THEMIS: variants seen among roughly 807,000 people sequenced by gnomAD.
The protein encoded by THEMIS is thymocyte selection associated, also known as protein THEMIS.
Under a neutral mutation model 52.6 loss-of-function variants are expected in THEMIS, and 37 were observed. The ratio of observed to expected loss-of-function variants is 0.70; its 90% CI spans 0.54 to 0.93. The LOEUF (loss-of-function observed/expected upper bound fraction) is 0.93. THEMIS is among the 40% of genes least tolerant of loss of function. The pLI, the probability that THEMIS is intolerant of heterozygous loss-of-function variation, is 0.00. For missense variants in THEMIS, 808 were observed against 763.1 expected, an observed-to-expected ratio of 1.06 and a Z score of -0.69; for synonymous variants, 292 against 272.7, an observed-to-expected ratio of 1.07 and a Z score of -0.70.
chr6:127,733,832 C>G (rs984835587), intron 4 of THEMIS, among the ~76,000 whole-genome samples: 11 of 151,728 alleles, frequency 7.2e-5, no homozygotes, highest in Non-Finnish European at 1.5e-4. Flanking sequence ...AAGACTATAT[C>G]TAGTATATAT....
intron 1 of THEMIS, among the ~76,000 whole-genome samples, chr6:127,896,740 T>C (rs886871057): frequency 6.6e-6 from 1 of 151,592 alleles, no homozygotes; most frequent in Non-Finnish European, 1.5e-5. Flanking sequence ...AGGAAGATTT[T>C]CAAAAACTGA....
intron 4 of THEMIS, among the ~76,000 whole-genome samples, chr6:127,807,846 A>T (rs1777770732): frequency 6.6e-6 from 1 of 152,200 alleles, no homozygotes; most frequent in Non-Finnish European, 1.5e-5. Flanking sequence ...GATTTCTCTA[A>T]CACATTTCAG....
At chr6:127,768,447 A>T (rs1776270291) in intron 4 of THEMIS, among the ~76,000 whole-genome samples, 1 of 152,158 alleles carries the variant, frequency 6.6e-6, no homozygotes, top group Non-Finnish European at 1.5e-5. Context: ...GTCTGAAGGG[A>T]GAGTTGGCTC....
At chr6:127,833,149 C>A (rs1205578003) in intron 2 of THEMIS, among the ~76,000 whole-genome samples, 19 of 151,774 alleles carry the variant, frequency 1.3e-4, no homozygotes, top group Admixed American at 3.9e-4. Context: ...TTAAAAAAAA[C>A]ACGTCACTTA....
intron 4 of THEMIS, among the ~76,000 whole-genome samples, chr6:127,812,677 A>G (rs1054606877): frequency 6.6e-6 from 1 of 152,346 alleles, no homozygotes; most frequent in East Asian, 1.9e-4. Flanking sequence ...CCAATTCAAT[A>G]TTAAACTTCA....
At chr6:127,728,871 A>G (rs982597046) in intron 4 of THEMIS, among the ~76,000 whole-genome samples, 1 of 152,210 alleles carries the variant, frequency 6.6e-6, no homozygotes, top group African/African-American at 2.4e-5. Flanking sequence ...ATAGTTTGAC[A>G]TTTGAGCAAA....
At chr6:127,914,041 G>C (rs1781467610) in intron 1 of THEMIS, among the ~76,000 whole-genome samples, 1 of 152,072 alleles carries the variant, frequency 6.6e-6, no homozygotes, top group Admixed American at 6.5e-5. Flanking sequence ...TGGGGATGGG[G>C]CCCAAGTTTA....
chr6:127,859,059 T>C (rs527477795), intron 1 of THEMIS, among the ~76,000 whole-genome samples: 1 of 152,032 alleles, frequency 6.6e-6, no homozygotes, highest in African/African-American at 2.4e-5. Flanking sequence ...TTCAATAGAT[T>C]TTCTTCCATC....
intron 1 of THEMIS, among the ~76,000 whole-genome samples, chr6:127,913,376 A>T (rs901810878): frequency 1.3e-5 from 2 of 152,096 alleles, no homozygotes; most frequent in Non-Finnish European, 2.9e-5. Context: ...TTTGTTCCTG[A>T]ATTCTACATT....
intron 4 of THEMIS, among the ~76,000 whole-genome samples, chr6:127,789,611 A>G (rs1777092675): frequency 6.6e-6 from 1 of 152,216 alleles, no homozygotes; most frequent in African/African-American, 2.4e-5. Context: ...ATGAACATCA[A>G]TACAAAAATC....
intron 4 of THEMIS, among the ~76,000 whole-genome samples, chr6:127,769,243 C>A (rs1465242653): frequency 1.3e-5 from 2 of 152,042 alleles, no homozygotes; most frequent in Admixed American, 6.6e-5. Context: ...TGAATTGGTT[C>A]TCCTTGGTTT....
chr6:127,856,997 G>A (rs1253327905), intron 1 of THEMIS, among the ~76,000 whole-genome samples: 1 of 151,406 alleles, frequency 6.6e-6, no homozygotes, highest in Non-Finnish European at 1.5e-5. Flanking sequence ...AACTTCATGA[G>A]AAGAAATATT....
intron 5 of THEMIS, among the ~76,000 whole-genome samples, chr6:127,712,200 G>T (rs1032207932): frequency 2.0e-5 from 3 of 151,932 alleles, no homozygotes; most frequent in African/African-American, 7.2e-5. Flanking sequence ...AAAAATGGGA[G>T]TTGAGGTAAT....
At chr6:127,787,880 T>G (rs55745537) in intron 4 of THEMIS, among the ~76,000 whole-genome samples, 33,323 of 119,262 alleles carry the variant, frequency 0.28, 4,311 homozygotes, top group East Asian at 0.37. Flanking sequence ...GATAGATAGA[T>G]ATAGATAGAT....
At position 127,710,114 on chromosome 6, in the gene THEMIS, A is replaced by G. The variant is rs1385310557; in HGVS notation, c.1895-98T>C. On this transcript the variant is annotated intron_variant, in intron 5 of 5. Transcript: ENST00000368248. ...AAATACTGTCGACACTCACATGCAT[A>G]TGGTTTTTGAGAAACGGTTGGAAGC... 4.4e-5 allele frequency: 32 copies of G among 722,784 alleles called. No homozygotes were observed. In the East Asian group the frequency reaches 9.9e-4, roughly 22 times the overall value. 44.8% of individuals were successfully genotyped at this position (722,784 alleles called of 1,614,324 possible).
chr6:127,712,089 T>G (rs1257534274), intron 5 of THEMIS, among the ~76,000 whole-genome samples: 1 of 151,962 alleles, frequency 6.6e-6, no homozygotes, highest in African/African-American at 2.4e-5. Flanking sequence ...ATAAAACTAT[T>G]ATAAGCATGC....
At chr6:127,871,182 A>C (rs1399737188) in intron 1 of THEMIS, among the ~76,000 whole-genome samples, 4 of 152,126 alleles carry the variant, frequency 2.6e-5, no homozygotes, top group Admixed American at 2.0e-4. Context: ...AGATACCAAG[A>C]AATTCCCCAA....
intron 1 of THEMIS, among the ~76,000 whole-genome samples, chr6:127,894,513 T>C (rs1308630153): frequency 6.6e-6 from 1 of 151,802 alleles, no homozygotes; most frequent in Non-Finnish European, 1.5e-5. Flanking sequence ...TTAAAAATAC[T>C]TAGAAAAAAA....
intron 1 of THEMIS, among the ~76,000 whole-genome samples, chr6:127,882,570 G>A (rs1362931602): frequency 1.3e-5 from 2 of 151,794 alleles, no homozygotes; most frequent in Admixed American, 6.6e-5. Context: ...TGTCTTCAAT[G>A]AATCTTTACA....
Sources: gnomAD v4.1 joint callset for allele counts (sites outside exome capture counted in the v4.1 genomes callset) on GRCh38, gnomAD v4.1.1 for gene constraint, MANE v1.5 for transcripts, NCBI Gene and HGNC (gene_info 2026-07-23, HGNC 2026-07-21) for gene names.